The following SMARCE1 variants were observed in gnomAD, a reference collection of about 807,000 sequenced individuals.
SMARCE1 encodes the protein SWI/SNF related BAF chromatin remodeling complex subunit E1, also known as SWI/SNF-related matrix-associated actin-dependent regulator of chromatin subfamily E member 1.
Under a neutral mutation model 54.9 loss-of-function variants are expected in SMARCE1, and 13 were observed. The observed-to-expected ratio is 0.24, with a 90% confidence interval of 0.15 to 0.38. The LOEUF is 0.38. SMARCE1 is among the 10% of genes least tolerant of loss of function. SMARCE1 has a pLI of 1.00. For missense variants in SMARCE1, 295 were observed against 523.8 expected (o/e 0.56, Z 4.26); for synonymous variants, 151 against 175.3 (o/e 0.86, Z 1.10).
intron 7 of SMARCE1, 101 bp downstream of exon 7, chr17:40,635,829 CT>C (rs2037140953): frequency 2.3e-6 from 2 of 863,442 alleles, no homozygotes; most frequent in Non-Finnish European, 3.4e-6. Flanking sequence ...ATTATACTTT[CT>C]TTTCCATTTA....
intron 1 of SMARCE1, 34 bp from the exon 2 acceptor site, chr17:40,645,881 A>C: frequency 1.5e-6 from 1 of 663,412 alleles, no homozygotes; most frequent in Non-Finnish European, 2.3e-6. Flanking sequence ...AAAAAAGAGA[A>C]TCAAAACTCA....
At chr17:40,643,766 A>G (rs2037221718) in intron 3 of SMARCE1, 1 of 152,212 alleles carries the variant, frequency 6.6e-6, no homozygotes, top group Admixed American at 6.5e-5. Context: ...TAGTACCCAA[A>G]AGAAAGACAT....
chr17:40,643,253 T>C (rs1288396356), intron 3 of SMARCE1: 3 of 152,240 alleles, frequency 2.0e-5, no homozygotes, highest in Non-Finnish European at 4.4e-5. Context: ...ACCCAGTCAT[T>C]CTTTTATAGG....
chr17:40,641,642 T>C (rs972247579), intron 4 of SMARCE1: 4 of 152,240 alleles, frequency 2.6e-5, no homozygotes, highest in African/African-American at 9.6e-5. Context: ...TATTTGACTT[T>C]TGGATTTTTT....
chr17:40,631,464 T>G, intron 9 of SMARCE1, 128 bp downstream of exon 9: 3 of 594,398 alleles, frequency 5.0e-6, no homozygotes, highest in South Asian at 4.4e-5. Context: ...CCTACAGGTT[T>G]ATAATAAAGT....
chr17:40,632,446 C>A, intron 7 of SMARCE1, 79 bp from the exon 8 acceptor site: 2 of 1,265,652 alleles, frequency 1.6e-6, no homozygotes, highest in Non-Finnish European at 2.2e-6. Flanking sequence ...CACTTAATTA[C>A]CAACGAACTA....
At chr17:40,637,610 A>G in intron 4 of SMARCE1, 38 bp from the exon 5 acceptor site, 2 of 1,515,196 alleles carry the variant, frequency 1.3e-6, no homozygotes, top group Non-Finnish European at 9.2e-7. Context: ...TTCAACTGTA[A>G]GGAGTTCACT....
Position 40,625,109 on chromosome 17 carries a change from G to T in SMARCE1, c.*3676C>A, listed in dbSNP as rs2037022909. ...AGAGCTTATTCTTGGAGTATAAAATGCAGAATTTAGGTTAAGCCAGTCATT... is the reference window on the plus strand; with the variant it reads ...AGAGCTTATTCTTGGAGTATAAAATTCAGAATTTAGGTTAAGCCAGTCATT... On this transcript the variant is annotated 3_prime_UTR_variant, in exon 11 of 11. Coordinates refer to ENST00000348513, the MANE Select transcript of SMARCE1 (RefSeq NM_003079.5). 6.6e-6 allele frequency: 1 copy of T among 152,232 alleles called. No individual in the cohort carries two copies. Among genetic ancestry groups the T allele is most frequent in the South Asian group, 2.1e-4 (1 of 4,832 alleles). The allele number at this position is 152,232 out of a possible 1,614,324, so 9.4% of individuals were successfully genotyped here.
rs947600550 is a variant in SMARCE1 at position 40,628,001 on chromosome 17, A to G, written c.*784T>C. On this transcript the variant is annotated 3_prime_UTR_variant, in exon 11 of 11. Coordinates refer to ENST00000348513, the MANE Select transcript of SMARCE1 (RefSeq NM_003079.5). The stretch of plus-strand genomic sequence containing the variant: ...ATGGGCTAATCAGTTTGAATTATCT[A>G]GTCCATTACAAGAATATTAAATTCC... 3 of 152,658 alleles carry G rather than the reference A, an allele frequency of 2.0e-5. No homozygotes were observed. Among genetic ancestry groups the G allele is most frequent in the Non-Finnish European group, 2.9e-5 (2 of 68,036 alleles). The allele number at this position is 152,658 out of a possible 1,614,324, so 9.5% of individuals were successfully genotyped here.
Position 40,636,385 on chromosome 17 carries a change from C to G in SMARCE1, c.369+10G>C, listed in dbSNP as rs199790447. 157 of 1,610,270 alleles carry G rather than the reference C, an allele frequency of 9.7e-5. No homozygotes were observed. The East Asian group carries it at 3.4e-3, about 35-fold the overall frequency. Reference sequence around the variant, plus strand: ...CACATTATCTATCCCACTGTGAGCCCCTACCCTACCTTTTCTGCTTCGTAT... The same window carrying G: ...CACATTATCTATCCCACTGTGAGCCGCTACCCTACCTTTTCTGCTTCGTAT... On this transcript the variant is annotated intron_variant, in intron 6 of 10. Transcript: ENST00000348513.
At chr17:40,645,331 AAAAAC>A in intron 3 of SMARCE1, 3 of 415,938 alleles carry the variant, frequency 7.2e-6, no homozygotes, top group South Asian at 9.4e-5. Context: ...TTTACAAAGA[AAAAAC>A]AAAACAAACT....
At chr17:40,644,563 C>T (rs1029252598) in intron 3 of SMARCE1, 1 of 152,022 alleles carries the variant, frequency 6.6e-6, no homozygotes, top group Admixed American at 6.6e-5. Flanking sequence ...AACTTTAGAG[C>T]CTGTATATGA....
chr17:40,630,032 A>G (rs1333117339), intron 10 of SMARCE1: 6 of 444,882 alleles, frequency 1.3e-5, no homozygotes, highest in Non-Finnish European at 2.4e-5. Context: ...TGCTCCAGGA[A>G]GCCTTTGGTT....
At chr17:40,644,602 G>A (rs1447057906) in intron 3 of SMARCE1, 1 of 152,070 alleles carries the variant, frequency 6.6e-6, no homozygotes, top group African/African-American at 2.4e-5. Flanking sequence ...CATATGGTAC[G>A]GTATCTCTTT....
At chr17:40,631,720 T>C (rs1030334175) in intron 8 of SMARCE1, 27 bp from the exon 9 acceptor site, 2 of 1,291,650 alleles carry the variant, frequency 1.5e-6, no homozygotes, top group South Asian at 1.2e-5. Flanking sequence ...GGCTTCATAA[T>C]TGTGTCTCAT....
intron 4 of SMARCE1, among the ~76,000 whole-genome samples, chr17:40,639,741 C>T (rs887114716): frequency 5.9e-5 from 9 of 152,110 alleles, no homozygotes; most frequent in Non-Finnish European, 1.3e-4. Flanking sequence ...ATTTATTTAA[C>T]GTCTCAGACA....
At position 40,637,506 on chromosome 17, in the gene SMARCE1, T is replaced by G; in HGVS notation, c.223A>C (p.Arg75=). ...TAAGCACCTACCTTTCTGCTGTACC[T>G]CATGTAGGGCATCAGCGGCTTATCT... ...PPDKPLMPYM[R]YSRKVWDQVK... Residue 75 remains arginine, a synonymous_variant, in exon 5 of 11, where the codon AGG becomes CGG. Transcript: ENST00000348513. 6.2e-7 allele frequency: 1 copy of G among 1,613,064 alleles called. No individual in the cohort carries two copies. The highest frequency in any genetic ancestry group is 1.1e-5 in the South Asian group (1 of 91,072).
At chr17:40,643,075 A>G (rs947313887) in intron 3 of SMARCE1, 2 of 152,344 alleles carry the variant, frequency 1.3e-5, no homozygotes, top group African/African-American at 4.8e-5. Flanking sequence ...ACAGTTTTAA[A>G]TCATTTTATA....
At position 40,642,244 on chromosome 17, in the gene SMARCE1, T is replaced by C. The variant is rs1350849682; in HGVS notation, c.156+211A>G. The stretch of plus-strand genomic sequence containing the variant: ...TAACCCTACCAACCACCAAACAGAA[T>C]GGATTTTTCTTTTCTTCTATATACA... On this transcript the variant is annotated intron_variant, in intron 4 of 10. Transcript: ENST00000348513. The surrounding 1 kb of genome is among the most constrained non-coding windows in gnomAD (Gnocchi z 4.6). The C allele has an allele frequency of 4.8e-6, 3 of 622,956 alleles. No individual in the cohort carries two copies. The highest frequency in any genetic ancestry group is 5.7e-6 in the Non-Finnish European group (2 of 353,008). 38.6% of individuals were successfully genotyped at this position (622,956 alleles called of 1,614,324 possible).
Sources: gnomAD v4.1 joint callset for allele counts (sites outside exome capture counted in the v4.1 genomes callset) on GRCh38, gnomAD v4.1.1 for gene constraint, Gnocchi (gnomAD v3.1) non-coding constraint, MANE v1.5 for transcripts, NCBI Gene and HGNC (gene_info 2026-07-23, HGNC 2026-07-21) for gene names.